Variants in OPCML observed in about 807,000 individuals in gnomAD.
OPCML encodes opioid-binding protein/cell adhesion molecule.
Under a neutral mutation model 37.8 loss-of-function variants are expected in OPCML, and 13 were observed. That is an observed-to-expected ratio of 0.34 (90% CI 0.22 to 0.55). The LOEUF (loss-of-function observed/expected upper bound fraction) is 0.55, where lower values mean the gene tolerates loss of function less well. OPCML is among the 20% of genes least tolerant of loss of function. The probability of loss-of-function intolerance (pLI) is 0.91; values close to 1 mark genes in which losing one functional copy is unlikely to be tolerated. For synonymous variants in OPCML, 176 were observed against 168.8 expected, an observed-to-expected ratio of 1.04 and a Z score of -0.33; for missense variants, 341 against 435.6, an observed-to-expected ratio of 0.78 and a Z score of 1.93.
At chr11:132,491,547 T>C (rs2096215667) in intron 4 of OPCML, among the ~76,000 whole-genome samples, 1 of 152,270 alleles carries the variant, frequency 6.6e-6, no homozygotes, top group Non-Finnish European at 1.5e-5. Context: ...GGGCTCATGG[T>C]ATATTAACTG....
intron 1 of OPCML, among the ~76,000 whole-genome samples, chr11:133,069,526 A>G (rs1330780100): frequency 6.6e-6 from 1 of 152,178 alleles, no homozygotes; most frequent in Non-Finnish European, 1.5e-5. Context: ...CTGAATGAAG[A>G]CACCCCTGAA....
In OPCML at chr11:132,420,889, C is replaced by T. The variant is rs74863248; in HGVS notation, c.917-596G>A. Among the ~76,000 whole-genome samples the T allele has an allele frequency of 8.1e-3, 1,227 of 152,314 alleles. 11 individuals are homozygous for T. The highest frequency in any genetic ancestry group is 0.051 in the Middle Eastern group (15 of 294). On this transcript the variant is annotated intron_variant, in intron 7 of 7. Coordinates refer to ENST00000524381, the MANE Select transcript of OPCML (RefSeq NM_001012393.5). ...ATTAGGCTTGTCCCAGCAGTCAGTGCTGCCTCCCTAAAGGCCTTGAAGCAG... is the reference window on the plus strand; with the variant it reads ...ATTAGGCTTGTCCCAGCAGTCAGTGTTGCCTCCCTAAAGGCCTTGAAGCAG...
At chr11:132,542,841 C>T (rs561650650) in intron 3 of OPCML, among the ~76,000 whole-genome samples, 3 of 152,272 alleles carry the variant, frequency 2.0e-5, no homozygotes, top group South Asian at 4.1e-4. Flanking sequence ...TGAACACCCA[C>T]GCCTCTTCCC....
intron 1 of OPCML, among the ~76,000 whole-genome samples, chr11:133,389,865 TGAA>T (rs1386719466): frequency 6.6e-6 from 1 of 152,188 alleles, no homozygotes; most frequent in African/African-American, 2.4e-5. Context: ...TAATTGACAA[TGAA>T]GAAGGATGTC....
intron 1 of OPCML, among the ~76,000 whole-genome samples, chr11:133,221,942 A>T (rs564695230): frequency 6.6e-6 from 1 of 152,306 alleles, no homozygotes; most frequent in African/African-American, 2.4e-5. Context: ...GTCTTATGTG[A>T]GCAGAACTGG....
chr11:133,462,244 G>A (rs1946876663), intron 1 of OPCML, among the ~76,000 whole-genome samples: 1 of 151,870 alleles, frequency 6.6e-6, no homozygotes, highest in Admixed American at 6.6e-5. Context: ...AAATCTTAGA[G>A]GAAAACATGA....
chr11:132,704,529 T>C (rs1943956238), intron 2 of OPCML, among the ~76,000 whole-genome samples: 1 of 152,224 alleles, frequency 6.6e-6, no homozygotes. Flanking sequence ...AATTTCAGCA[T>C]TGGAATGGAA....
chr11:132,916,320 GC>G (rs1944602401), intron 2 of OPCML, among the ~76,000 whole-genome samples: 1 of 152,024 alleles, frequency 6.6e-6, no homozygotes, highest in Admixed American at 6.6e-5. Flanking sequence ...ACCCATGAGG[GC>G]CCCTTTTCTC....
chr11:133,516,067 C>T (rs898223760), intron 1 of OPCML, among the ~76,000 whole-genome samples: 2 of 152,038 alleles, frequency 1.3e-5, no homozygotes, highest in South Asian at 2.1e-4. Context: ...GGGCGCTTAT[C>T]GGGAGAAACA....
At chr11:132,552,265 C>T (rs1056101867) in intron 3 of OPCML, among the ~76,000 whole-genome samples, 44 of 152,156 alleles carry the variant, frequency 2.9e-4, no homozygotes, top group Admixed American at 1.2e-3. Context: ...CAGCAAGGTG[C>T]ACCCTTGTTA....
chr11:133,441,986 ATAATAATACC>A (rs1160408676), intron 1 of OPCML, among the ~76,000 whole-genome samples: 3 of 152,210 alleles, frequency 2.0e-5, no homozygotes, highest in Non-Finnish European at 4.4e-5. Flanking sequence ...AATGCTAATA[ATAATAATACC>A]TAATGTTTAT....
At chr11:132,560,751 G>C (rs948422317) in intron 3 of OPCML, among the ~76,000 whole-genome samples, 1 of 152,056 alleles carries the variant, frequency 6.6e-6, no homozygotes, top group Non-Finnish European at 1.5e-5. Context: ...GTCTATTCAT[G>C]TTCTTAGCCC....
chr11:133,034,064 C>T (rs1316682643), intron 1 of OPCML, among the ~76,000 whole-genome samples: 2 of 152,150 alleles, frequency 1.3e-5, no homozygotes, highest in Non-Finnish European at 2.9e-5. Flanking sequence ...TTAATTTAGG[C>T]ACAGTGTGAA....
At chr11:133,014,372 A>G (rs988043365) in intron 1 of OPCML, among the ~76,000 whole-genome samples, 1 of 151,918 alleles carries the variant, frequency 6.6e-6, no homozygotes, top group African/African-American at 2.4e-5. Context: ...TTCAACTAAG[A>G]ACCTATGGGG....
intron 1 of OPCML, among the ~76,000 whole-genome samples, chr11:133,343,287 C>A (rs1343477273): frequency 6.6e-6 from 1 of 152,188 alleles, no homozygotes; most frequent in Non-Finnish European, 1.5e-5. Context: ...TTGTGTTGCC[C>A]ATCCTCACAG....
chr11:132,963,928 A>C (rs1184366779), intron 1 of OPCML, among the ~76,000 whole-genome samples: 2 of 152,058 alleles, frequency 1.3e-5, no homozygotes, highest in Non-Finnish European at 2.9e-5. Context: ...ACACACTTGG[A>C]ATTGAATTTA....
intron 2 of OPCML, among the ~76,000 whole-genome samples, chr11:132,698,073 TTC>T (rs1278033022): frequency 1.3e-5 from 2 of 151,734 alleles, no homozygotes; most frequent in East Asian, 3.9e-4. Flanking sequence ...CAAGTAATCC[TTC>T]TGTATCAGCC....
rs147660173 is a variant in OPCML, at chr11:132,518,384, T to C, written c.505+10677A>G. On this transcript the variant is annotated intron_variant, in intron 4 of 7. Coordinates refer to ENST00000524381, the MANE Select transcript of OPCML (RefSeq NM_001012393.5). ...GGATGATGGCTTCCAGCTTCATCCA[T>C]GTCCTTGCAAAGGACCTAACTCTTT... Among the ~76,000 whole-genome samples, 425 of 152,360 alleles carry C rather than the reference T, an allele frequency of 2.8e-3. 4 individuals are homozygous for C. Among genetic ancestry groups the C allele is most frequent in the African/African-American group, 9.7e-3 (404 of 41,584 alleles).
intron 1 of OPCML, chr11:133,421,391 A>G (rs76251645): frequency 0.023 from 22,732 of 985,444 alleles, 302 homozygotes; most frequent in Non-Finnish European, 0.026. Flanking sequence ...GGAGACCAGA[A>G]GAAGAGAAAT....
Sources: gnomAD v4.1 joint callset for allele counts (sites outside exome capture counted in the v4.1 genomes callset) on GRCh38, gnomAD v4.1.1 for gene constraint, MANE v1.5 for transcripts, NCBI Gene and HGNC (gene_info 2026-07-23, HGNC 2026-07-21) for gene names.